Variants in CNTNAP2 observed in about 807,000 individuals in gnomAD.
CNTNAP2 encodes contactin associated protein 2.
Under a neutral mutation model 155.2 loss-of-function variants are expected in CNTNAP2, and 98 were observed. The ratio of observed to expected loss-of-function variants is 0.63; its 90% confidence interval spans 0.54 to 0.75. The LOEUF (loss-of-function observed/expected upper bound fraction) is 0.75. Among genes scored for constraint, CNTNAP2 ranks in the 30% least tolerant of loss-of-function variants. The probability of loss-of-function intolerance (pLI) is 0.00; values close to 1 mark genes in which losing one functional copy is unlikely to be tolerated. For missense variants in CNTNAP2, 1,727 were observed against 1,688.1 expected, an observed-to-expected ratio of 1.02 and a Z score of -0.40; for synonymous variants, 651 against 631.2, an observed-to-expected ratio of 1.03 and a Z score of -0.47.
chr7:147,017,467 C>T (rs187781219), intron 3 of CNTNAP2, among the ~76,000 whole-genome samples: 13 of 152,108 alleles, frequency 8.5e-5, no homozygotes. Flanking sequence ...GCCTACCTTA[C>T]CTACAGATGA....
chr7:146,185,079 T>TA (rs1798603574), intron 1 of CNTNAP2, among the ~76,000 whole-genome samples: 1 of 152,164 alleles, frequency 6.6e-6, no homozygotes, highest in Non-Finnish European at 1.5e-5. Flanking sequence ...AAATTAATAT[T>TA]ACGTCCAGTG....
chr7:147,970,795 A>G (rs1801318750), intron 14 of CNTNAP2, among the ~76,000 whole-genome samples: 1 of 152,212 alleles, frequency 6.6e-6, no homozygotes, highest in Non-Finnish European at 1.5e-5. Context: ...ATTGTCTGTG[A>G]TTGAGACACA....
chr7:147,367,230 A>C (rs911489835), intron 9 of CNTNAP2, among the ~76,000 whole-genome samples: 4 of 152,202 alleles, frequency 2.6e-5, no homozygotes, highest in African/African-American at 7.2e-5. Context: ...GAAGAGAGGC[A>C]CATCAGCAAG....
chr7:147,359,659 C>T (rs939822471), intron 9 of CNTNAP2, among the ~76,000 whole-genome samples: 1 of 152,100 alleles, frequency 6.6e-6, no homozygotes, highest in Non-Finnish European at 1.5e-5. Context: ...AACAGTGCTG[C>T]CCCAGGATCT....
intron 1 of CNTNAP2, among the ~76,000 whole-genome samples, chr7:146,221,876 G>T (rs2539744): frequency 0.73 from 111,600 of 152,050 alleles, 41,182 homozygotes; most frequent in East Asian, 0.94. Context: ...ACAAAGGATT[G>T]GAAAATTAAA....
At chr7:148,231,079 C>T (rs557127748) in intron 20 of CNTNAP2, among the ~76,000 whole-genome samples, 5 of 152,188 alleles carry the variant, frequency 3.3e-5, no homozygotes, top group South Asian at 4.1e-4. Context: ...TTTACCATTG[C>T]GAAATAATAC....
intron 15 of CNTNAP2, among the ~76,000 whole-genome samples, chr7:148,046,382 T>C (rs1377868172): frequency 6.6e-6 from 1 of 152,236 alleles, no homozygotes; most frequent in Non-Finnish European, 1.5e-5. Context: ...AAACTACATA[T>C]AGTTTATATT....
chr7:146,816,276 C>T (rs146474319), intron 2 of CNTNAP2, among the ~76,000 whole-genome samples: 15 of 152,178 alleles, frequency 9.9e-5, no homozygotes, highest in Admixed American at 9.8e-4. Context: ...GTCACAGATG[C>T]ATCATTATGA....
chr7:147,360,271 T>C (rs1329508460), intron 9 of CNTNAP2, among the ~76,000 whole-genome samples: 2 of 152,200 alleles, frequency 1.3e-5, no homozygotes, highest in Non-Finnish European at 2.9e-5. Flanking sequence ...AGCAATGATA[T>C]CTAGTCTATA....
At chr7:148,388,867 G>A (rs4314575) in intron 22 of CNTNAP2, among the ~76,000 whole-genome samples, 57,172 of 151,998 alleles carry the variant, frequency 0.38, 11,299 homozygotes, top group African/African-American at 0.46. Context: ...AACTGCGAAT[G>A]CTGCCATCTG....
chr7:147,615,890 G>A (rs1801282422), intron 12 of CNTNAP2, among the ~76,000 whole-genome samples: 1 of 152,028 alleles, frequency 6.6e-6, no homozygotes, highest in South Asian at 2.1e-4. Context: ...TCTTTCTGTT[G>A]AAACTGATCA....
intron 8 of CNTNAP2, among the ~76,000 whole-genome samples, chr7:147,257,713 C>A (rs1427270741): frequency 6.6e-6 from 1 of 151,984 alleles, no homozygotes; most frequent in Non-Finnish European, 1.5e-5. Flanking sequence ...AATAAGGGAC[C>A]CTCTGTGTGA....
At chr7:147,874,498 C>T (rs1308574279) in intron 13 of CNTNAP2, among the ~76,000 whole-genome samples, 1 of 151,808 alleles carries the variant, frequency 6.6e-6, no homozygotes, top group East Asian at 1.9e-4. Flanking sequence ...ATGGCTGGAG[C>T]AGCTTGGACA....
At chr7:147,299,279 C>CTA (rs1794895945) in intron 8 of CNTNAP2, among the ~76,000 whole-genome samples, 1 of 152,110 alleles carries the variant, frequency 6.6e-6, no homozygotes, top group South Asian at 2.1e-4. Context: ...AATTTTCTGA[C>CTA]TATTCTTCAT....
chr7:147,295,987 C>A (rs540664388), intron 8 of CNTNAP2, among the ~76,000 whole-genome samples: 3 of 152,012 alleles, frequency 2.0e-5, no homozygotes, highest in Non-Finnish European at 4.4e-5. Context: ...GAATAATAGA[C>A]CTTTTGCCAT....
At chr7:146,376,386 A>C (rs975796061) in intron 1 of CNTNAP2, among the ~76,000 whole-genome samples, 5 of 152,150 alleles carry the variant, frequency 3.3e-5, no homozygotes, top group African/African-American at 1.2e-4. Flanking sequence ...CATTCTCTTC[A>C]GAATATACAG....
intron 1 of CNTNAP2, among the ~76,000 whole-genome samples, chr7:146,368,365 C>A (rs17170068): frequency 0.36 from 54,596 of 151,838 alleles, 10,055 homozygotes; most frequent in Admixed American, 0.46. Context: ...AAAATATATG[C>A]AATGAAGTCA....
intron 9 of CNTNAP2, among the ~76,000 whole-genome samples, chr7:147,392,374 C>T (rs1176174932): frequency 6.7e-6 from 1 of 150,134 alleles, no homozygotes; most frequent in Non-Finnish European, 1.5e-5. Context: ...TTTTTATTTC[C>T]ATAGGTTTTT....
At chr7:147,461,439 A>G (rs1357985967) in intron 10 of CNTNAP2, among the ~76,000 whole-genome samples, 1 of 104,072 alleles carries the variant, frequency 9.6e-6, no homozygotes, top group Non-Finnish European at 2.6e-5. Context: ...TCTGAAGGGC[A>G]ATCAGACGAT....
Sources: gnomAD v4.1 joint callset for allele counts (sites outside exome capture counted in the v4.1 genomes callset) on GRCh38, gnomAD v4.1.1 for gene constraint, MANE v1.5 for transcripts, NCBI Gene and HGNC (gene_info 2026-07-23, HGNC 2026-07-21) for gene names.